Variants in DLG2 observed in about 807,000 individuals in gnomAD.
DLG2 encodes disks large homolog 2.
Under a neutral mutation model 132.5 loss-of-function variants are expected in DLG2, and 45 were observed. The ratio of observed to expected loss-of-function variants is 0.34; its 90% CI spans 0.27 to 0.44. The LOEUF is 0.44. DLG2 is among the 20% of genes least tolerant of loss of function. The pLI, the probability that DLG2 is intolerant of heterozygous loss-of-function variation, is 1.00. For synonymous variants in DLG2, 424 were observed against 419.6 expected, an observed-to-expected ratio of 1.01 and a Z score of -0.13; for missense variants, 1,045 against 1,196.9, an observed-to-expected ratio of 0.87 and a Z score of 1.87.
At chr11:84,694,226 A>G (rs2058373521) in intron 6 of DLG2, among the ~76,000 whole-genome samples, 1 of 151,570 alleles carries the variant, frequency 6.6e-6, no homozygotes, top group African/African-American at 2.4e-5. Flanking sequence ...CTTCTCATCA[A>G]GAAAATTATT....
At chr11:83,893,373 T>C (rs1179037260) in intron 15 of DLG2, among the ~76,000 whole-genome samples, 4 of 152,218 alleles carry the variant, frequency 2.6e-5, no homozygotes, top group African/African-American at 7.2e-5. Flanking sequence ...TGTCTGTCTT[T>C]TGTTGCTCAT....
chr11:84,487,005 A>G (rs2099152727), intron 7 of DLG2, among the ~76,000 whole-genome samples: 1 of 152,134 alleles, frequency 6.6e-6, no homozygotes, highest in South Asian at 2.1e-4. Flanking sequence ...CTACTACCCA[A>G]AATTGGAAGT....
chr11:83,669,786 C>A (rs2076525103), intron 18 of DLG2, among the ~76,000 whole-genome samples: 1 of 152,122 alleles, frequency 6.6e-6, no homozygotes. Flanking sequence ...TCTCTGCACC[C>A]AGAACAGTGC....
intron 3 of DLG2, among the ~76,000 whole-genome samples, chr11:85,476,218 G>C (rs926110819): frequency 1.2e-4 from 19 of 152,014 alleles, no homozygotes; most frequent in African/African-American, 3.6e-4. Flanking sequence ...TCTAAACATA[G>C]AAAAGGAAAA....
intron 6 of DLG2, among the ~76,000 whole-genome samples, chr11:84,708,929 T>G (rs912338208): frequency 1.3e-5 from 2 of 151,884 alleles, no homozygotes; most frequent in South Asian, 4.1e-4. Flanking sequence ...TTACTAATAT[T>G]TAAAACAAAA....
At chr11:83,945,033 A>G (rs78247610) in intron 14 of DLG2, among the ~76,000 whole-genome samples, 3,801 of 152,264 alleles carry the variant, frequency 0.025, 157 homozygotes, top group African/African-American at 0.086. Flanking sequence ...AGGGTCCCCA[A>G]ATTTCTCAGT....
intron 6 of DLG2, among the ~76,000 whole-genome samples, chr11:84,584,284 T>C (rs2099523707): frequency 6.6e-6 from 1 of 152,176 alleles, no homozygotes. Context: ...TTTGTTATAC[T>C]ATATAAGTAT....
intron 7 of DLG2, among the ~76,000 whole-genome samples, chr11:84,395,070 T>C (rs1252726119): frequency 6.6e-6 from 1 of 152,208 alleles, no homozygotes. Context: ...GGATAAATTT[T>C]CTGGACTAGT....
Position 84,785,084 on chromosome 11 carries a change from AAAAT to A in DLG2, c.358-250357_358-250354del, listed in dbSNP as rs544703816. Among the ~76,000 whole-genome samples, 12 of 152,242 alleles carry A rather than the reference AAAAT, an allele frequency of 7.9e-5. 1 individual carries two copies. The highest frequency in any genetic ancestry group is 1.9e-4 in the East Asian group (1 of 5,182). ...ATACATACAATTTTGTGTCAATTTAAAAATAAATAAATAAATGTATGATGAGAAA... is the reference window on the plus strand; with the variant it reads ...ATACATACAATTTTGTGTCAATTTAAAAATAAATAAATGTATGATGAGAAA... On this transcript the variant is annotated intron_variant, in intron 6 of 27. Coordinates refer to ENST00000376104, the MANE Select transcript of DLG2 (RefSeq NM_001142699.3).
At chr11:83,490,035 C>G (rs1275127842) in intron 21 of DLG2, among the ~76,000 whole-genome samples, 1 of 151,988 alleles carries the variant, frequency 6.6e-6, no homozygotes, top group Non-Finnish European at 1.5e-5. Context: ...GAAACCCTAA[C>G]AGCAAAATGC....
intron 3 of DLG2, among the ~76,000 whole-genome samples, chr11:85,324,425 T>C (rs1448689447): frequency 1.3e-5 from 2 of 152,134 alleles, no homozygotes; most frequent in Non-Finnish European, 1.5e-5. Context: ...ATATGTTGAG[T>C]TGAATTTAAC....
At chr11:83,492,636 G>T (rs1301324786) in intron 21 of DLG2, among the ~76,000 whole-genome samples, 1 of 152,060 alleles carries the variant, frequency 6.6e-6, no homozygotes, top group South Asian at 2.1e-4. Context: ...CCTCAGTCTT[G>T]TTCAACTTGG....
chr11:83,934,029 C>T (rs790364), intron 14 of DLG2, among the ~76,000 whole-genome samples: 1 of 152,100 alleles, frequency 6.6e-6, no homozygotes. Context: ...CTAGAGGTTC[C>T]TTGAGTCTAG....
chr11:84,486,728 T>C (rs1379992852), intron 7 of DLG2, among the ~76,000 whole-genome samples: 1 of 152,118 alleles, frequency 6.6e-6, no homozygotes, highest in Non-Finnish European at 1.5e-5. Flanking sequence ...CATCATTGGC[T>C]TAAAAAATCA....
At chr11:83,683,992 T>C (rs943874067) in intron 18 of DLG2, among the ~76,000 whole-genome samples, 7 of 152,088 alleles carry the variant, frequency 4.6e-5, no homozygotes, top group African/African-American at 1.7e-4. Context: ...GAAAGCAAAT[T>C]TGCAACATGT....
At chr11:84,793,157 G>A (rs2074105993) in intron 6 of DLG2, among the ~76,000 whole-genome samples, 1 of 151,974 alleles carries the variant, frequency 6.6e-6, no homozygotes, top group African/African-American at 2.4e-5. Context: ...CCTTCTAAAT[G>A]TCTTCATTCA....
At chr11:84,145,524 T>C (rs916627976) in intron 9 of DLG2, among the ~76,000 whole-genome samples, 1 of 152,184 alleles carries the variant, frequency 6.6e-6, no homozygotes, top group African/African-American at 2.4e-5. Context: ...AGGCAGTTTG[T>C]CATTGATCAA....
At chr11:83,504,009 G>A (rs922872485) in intron 21 of DLG2, among the ~76,000 whole-genome samples, 2 of 152,114 alleles carry the variant, frequency 1.3e-5, no homozygotes, top group African/African-American at 4.8e-5. Context: ...TACTATTAAA[G>A]TTAACAATAC....
chr11:84,444,992 A>G (rs2099029197), intron 7 of DLG2, among the ~76,000 whole-genome samples: 1 of 151,988 alleles, frequency 6.6e-6, no homozygotes, highest in African/African-American at 2.4e-5. Context: ...TAGTAGAGAC[A>G]GGGTTCCATT....
Sources: allele counts gnomAD v4.1 joint callset (sites outside exome capture counted in the v4.1 genomes callset), GRCh38; gene constraint gnomAD v4.1.1; transcripts MANE v1.5; gene names NCBI Gene and HGNC (gene_info 2026-07-23, HGNC 2026-07-21).